PIK3C2G: variants seen among roughly 807,000 people sequenced by gnomAD.
The protein encoded by PIK3C2G is phosphatidylinositol 3-kinase C2 domain-containing subunit gamma.
A neutral mutation model predicts 181.1 loss-of-function variants in PIK3C2G; 168 were observed. The ratio of observed to expected loss-of-function variants is 0.93; its 90% confidence interval spans 0.82 to 1.05. The LOEUF (loss-of-function observed/expected upper bound fraction) is 1.05. Ranked by LOEUF, PIK3C2G falls within the 50% of genes least tolerant of loss-of-function variation. PIK3C2G has a pLI of 0.00. For missense variants in PIK3C2G, 1,869 were observed against 1,732.8 expected, an observed-to-expected ratio of 1.08 and a Z score of -1.40; for synonymous variants, 573 against 592.2, an observed-to-expected ratio of 0.97 and a Z score of 0.47.
chr12:18,396,520 G>GA (rs573944724), intron 15 of PIK3C2G, among the ~76,000 whole-genome samples: 1,780 of 148,926 alleles, frequency 0.012, 36 homozygotes, highest in African/African-American at 0.041. Flanking sequence ...CACACAATGT[G>GA]AAAAAAAAAT....
chr12:18,439,056 C>T (rs1301204991), intron 18 of PIK3C2G, among the ~76,000 whole-genome samples: 1 of 152,046 alleles, frequency 6.6e-6, no homozygotes, highest in African/African-American at 2.4e-5. Flanking sequence ...TGACTCCTGA[C>T]TCCTACCATT....
intron 15 of PIK3C2G, among the ~76,000 whole-genome samples, chr12:18,393,180 T>C (rs1943642098): frequency 6.6e-6 from 1 of 152,104 alleles, no homozygotes; most frequent in Admixed American, 6.5e-5. Context: ...TGTTTTTAAA[T>C]TAACCCTGGT....
At chr12:18,576,426 C>G (rs1946235572) in intron 29 of PIK3C2G, among the ~76,000 whole-genome samples, 1 of 152,110 alleles carries the variant, frequency 6.6e-6, no homozygotes, top group Admixed American at 6.5e-5. Context: ...TTATGTAAAT[C>G]ACATTTGTAA....
intron 16 of PIK3C2G, among the ~76,000 whole-genome samples, chr12:18,408,079 G>A (rs1420376632): frequency 6.6e-6 from 1 of 152,174 alleles, no homozygotes; most frequent in African/African-American, 2.4e-5. Flanking sequence ...TGGTTTCTGA[G>A]TGAAGCATAG....
intron 31 of PIK3C2G, among the ~76,000 whole-genome samples, chr12:18,621,185 G>A (rs1320047648): frequency 2.6e-5 from 4 of 151,064 alleles, no homozygotes; most frequent in Non-Finnish European, 5.9e-5. Context: ...ATCATTTAAG[G>A]CAGTTCAAAG....
intron 12 of PIK3C2G, among the ~76,000 whole-genome samples, chr12:18,370,388 G>A (rs1333303325): frequency 3.9e-5 from 6 of 152,022 alleles, no homozygotes; most frequent in African/African-American, 1.4e-4. Context: ...ATCCATCCAG[G>A]ATCTGAGCTC....
chr12:18,294,604 T>C (rs1949853079), intron 5 of PIK3C2G, among the ~76,000 whole-genome samples: 1 of 151,990 alleles, frequency 6.6e-6, no homozygotes, highest in South Asian at 2.1e-4. Flanking sequence ...TTCAAATACT[T>C]ATTTGATAAA....
At chr12:18,461,007 T>G (rs1159879990) in intron 18 of PIK3C2G, among the ~76,000 whole-genome samples, 4 of 152,122 alleles carry the variant, frequency 2.6e-5, no homozygotes, top group Non-Finnish European at 5.9e-5. Context: ...GGAACCTAGT[T>G]GTGATATAGA....
chr12:18,693,788 G>T, the PIK3C2G span: 2 of 1,515,208 alleles, frequency 1.3e-6, no homozygotes, highest in Non-Finnish European at 1.8e-6. Flanking sequence ...AGAAACTTTG[G>T]ATCCAGCGCT....
chr12:18,558,298 C>A (rs770564911), intron 26 of PIK3C2G, among the ~76,000 whole-genome samples: 18 of 152,236 alleles, frequency 1.2e-4, no homozygotes, highest in Non-Finnish European at 2.2e-4. Flanking sequence ...TTGTTCATCC[C>A]TATTTGGAGA....
chr12:18,664,039 C>A, the PIK3C2G span, among the ~76,000 whole-genome samples: 1 of 152,096 alleles, frequency 6.6e-6, no homozygotes, highest in African/African-American at 2.4e-5. Flanking sequence ...ATCAAAACTA[C>A]AATGATATAA....
chr12:18,421,131 T>G, intron 17 of PIK3C2G, 97 bp downstream of exon 17: 1 of 605,254 alleles, frequency 1.7e-6, no homozygotes, highest in Non-Finnish European at 2.9e-6. Flanking sequence ...AGAAGTGACA[T>G]TGCAATTTGG....
At chr12:18,719,621 G>T in the PIK3C2G span, 4 of 1,598,200 alleles carry the variant, frequency 2.5e-6, no homozygotes, top group East Asian at 9.0e-5. Flanking sequence ...GACATTTGGT[G>T]TGCTTTCCTA....
intron 18 of PIK3C2G, among the ~76,000 whole-genome samples, chr12:18,461,722 C>A (rs952732070): frequency 1.3e-5 from 2 of 152,170 alleles, no homozygotes; most frequent in Non-Finnish European, 2.9e-5. Context: ...GAGGCCACAG[C>A]TAAAAGATGC....
At chr12:18,331,123 C>A (rs1391895087) in intron 8 of PIK3C2G, among the ~76,000 whole-genome samples, 1 of 152,066 alleles carries the variant, frequency 6.6e-6, no homozygotes, top group Non-Finnish European at 1.5e-5. Flanking sequence ...GTCAACATTA[C>A]CTTAATTACC....
At chr12:18,398,759 C>T (rs1199936067) in intron 15 of PIK3C2G, among the ~76,000 whole-genome samples, 1 of 152,210 alleles carries the variant, frequency 6.6e-6, no homozygotes, top group East Asian at 1.9e-4. Context: ...ATGACATTTT[C>T]ACGCCAAACT....
intron 8 of PIK3C2G, among the ~76,000 whole-genome samples, chr12:18,329,734 T>C (rs1325511391): frequency 1.1e-4 from 17 of 152,054 alleles, no homozygotes; most frequent in African/African-American, 9.7e-5. Flanking sequence ...GGGACATAGA[T>C]TTACAAGGCA....
the PIK3C2G span, among the ~76,000 whole-genome samples, chr12:18,699,515 T>C: frequency 1.3e-5 from 2 of 152,084 alleles, no homozygotes; most frequent in Admixed American, 6.6e-5. Flanking sequence ...TGCTCTCCTA[T>C]ACAAGCTGCT....
At chr12:18,562,164 G>T (rs1945379535) in intron 26 of PIK3C2G, among the ~76,000 whole-genome samples, 1 of 152,116 alleles carries the variant, frequency 6.6e-6, no homozygotes, top group Non-Finnish European at 1.5e-5. Flanking sequence ...ACGGAGTCTC[G>T]CTCTGTCACC....
Sources: allele counts gnomAD v4.1 joint callset (sites outside exome capture counted in the v4.1 genomes callset), GRCh38; gene constraint gnomAD v4.1.1; transcripts MANE v1.5; gene names NCBI Gene and HGNC (gene_info 2026-07-23, HGNC 2026-07-21).